R3HCC1L: variants seen among roughly 807,000 people sequenced by gnomAD.
The protein encoded by R3HCC1L is R3H domain and coiled-coil containing 1 like.
R3HCC1L carries 51 observed loss-of-function variants against 59.9 expected under a neutral mutation model. The ratio of observed to expected loss-of-function variants is 0.85; its 90% confidence interval spans 0.68 to 1.07. The LOEUF is 1.07. Ranked by LOEUF, R3HCC1L falls within the 50% of genes least tolerant of loss-of-function variation. The pLI is 0.00. For synonymous variants in R3HCC1L, 322 were observed against 315.2 expected (o/e 1.02, Z -0.23); for missense variants, 965 against 933.0 (o/e 1.03, Z -0.45).
intron 4 of R3HCC1L, among the ~76,000 whole-genome samples, chr10:98,183,599 G>A (rs1849886306): frequency 1.3e-5 from 2 of 152,020 alleles, no homozygotes; most frequent in African/African-American, 4.8e-5. Context: ...ATATGTTAGA[G>A]TATTTGATAT....
chr10:98,162,783 G>A (rs1847571096), intron 2 of R3HCC1L, 100 bp from the exon 3 acceptor site: 1 of 152,290 alleles, frequency 6.6e-6, no homozygotes. Flanking sequence ...CTGCAGCCTC[G>A]ACCTGCTGGG....
At chr10:98,139,046 G>A (rs533141338) in intron 1 of R3HCC1L, among the ~76,000 whole-genome samples, 18 of 152,060 alleles carry the variant, frequency 1.2e-4, no homozygotes, top group Admixed American at 7.2e-4. Flanking sequence ...TGATCAGTGT[G>A]TTTCTTAGCC....
intron 2 of R3HCC1L, among the ~76,000 whole-genome samples, chr10:98,159,456 T>TA (rs1847189042): frequency 6.6e-6 from 1 of 152,212 alleles, no homozygotes; most frequent in African/African-American, 2.4e-5. Context: ...GTATTTTGTG[T>TA]AAAAATACGT....
intron 9 of R3HCC1L, among the ~76,000 whole-genome samples, chr10:98,239,393 A>T (rs1857289066): frequency 6.6e-6 from 1 of 152,182 alleles, no homozygotes; most frequent in Non-Finnish European, 1.5e-5. Flanking sequence ...TGAAATCTAT[A>T]TATCATCCTG....
At chr10:98,223,249 T>C (rs953507830) in intron 5 of R3HCC1L, among the ~76,000 whole-genome samples, 1 of 152,172 alleles carries the variant, frequency 6.6e-6, no homozygotes, top group Admixed American at 6.5e-5. Context: ...AAGAGAATTT[T>C]AGACCAATAT....
At position 98,167,464 on chromosome 10, in the gene R3HCC1L, A is replaced by G. The variant is rs149075242; in HGVS notation, c.-15+4067A>G. 5.4e-3 allele frequency among the ~76,000 whole-genome samples: 822 copies of G among 152,320 alleles called. 11 individuals are homozygous for G. The highest frequency in any genetic ancestry group is 0.019 in the African/African-American group (779 of 41,574). On this transcript the variant is annotated intron_variant, in intron 4 of 9. Coordinates refer to ENST00000298999, the MANE Select transcript of R3HCC1L (RefSeq NM_001351015.2). ...GCTATTTCTCTAACAGACAGACTCTACCTCATTTATAAGTATTCATTTTTG... is the reference window on the plus strand; with the variant it reads ...GCTATTTCTCTAACAGACAGACTCTGCCTCATTTATAAGTATTCATTTTTG...
chr10:98,208,729 C>T lies in R3HCC1L; in HGVS notation c.615C>T (p.Gly205=), dbSNP rs772289188. ...GEAFEDKDLE[G]RIETDTKVLE... is the part of the protein sequence containing the mutation. ...CATTTGAAGACAAAGATTTGGAAGGCAGAATTGAAACTGATACCAAGGTTT... is the reference window on the plus strand; with the variant it reads ...CATTTGAAGACAAAGATTTGGAAGGTAGAATTGAAACTGATACCAAGGTTT... The change falls in exon 5 of 10, where the codon GGC becomes GGT. Residue 205 remains glycine (G), a synonymous_variant. Transcript: ENST00000298999. 3.1e-6 allele frequency: 5 copies of T among 1,613,932 alleles called. No individual in the cohort carries two copies. The highest frequency in any genetic ancestry group is 2.2e-5 in the East Asian group (1 of 44,870).
rs1231388778 is a variant in R3HCC1L at position 98,209,069 on chromosome 10, G to A, written c.955G>A (p.Glu319Lys). 5 of 1,613,806 alleles carry A rather than the reference G, an allele frequency of 3.1e-6. No individual in the cohort carries two copies. Among genetic ancestry groups the A allele is most frequent in the African/African-American group, 1.3e-5 (1 of 74,920 alleles). Residue 319 changes from glutamate (E) to lysine (K), a missense_variant, in exon 5 of 10, where the codon GAG becomes AAG. Coordinates refer to ENST00000298999, the MANE Select transcript of R3HCC1L (RefSeq NM_001351015.2). ...PATMGHISLSESTNDTVSPVM... is the reference protein window; with the variant it reads ...PATMGHISLSKSTNDTVSPVM... ...AACTATGGGTCACATCTCTCTGTCA[G>A]AGAGCACAAATGACACTGTTAGTCC...
intron 1 of R3HCC1L, among the ~76,000 whole-genome samples, chr10:98,151,008 A>T (rs1296414618): frequency 6.6e-6 from 1 of 152,078 alleles, no homozygotes; most frequent in Non-Finnish European, 1.5e-5. Flanking sequence ...GGTGCTGAGC[A>T]TGTTGGTGAA....
intron 5 of R3HCC1L, among the ~76,000 whole-genome samples, chr10:98,229,786 A>G (rs865890561): frequency 1.2e-3 from 190 of 152,328 alleles, no homozygotes; most frequent in Middle Eastern, 6.8e-3. Context: ...AGTTTTTAGC[A>G]TGAAGGGTTG....
At chr10:98,186,431 C>A in intron 4 of R3HCC1L, 1 of 764,738 alleles carries the variant, frequency 1.3e-6, no homozygotes, top group Non-Finnish European at 1.6e-6. Flanking sequence ...AGACATTTAA[C>A]TATATTTAAT....
At position 98,155,726 on chromosome 10, in the gene R3HCC1L, A is replaced by G. The variant is rs1358495302; in HGVS notation, c.-267-367A>G. Among the ~76,000 whole-genome samples, 3 of 151,840 alleles carry G rather than the reference A, an allele frequency of 2.0e-5. No homozygotes were observed. The East Asian group carries it at 5.8e-4, about 29-fold the overall frequency. On this transcript the variant is annotated intron_variant, in intron 1 of 9. Transcript: ENST00000298999. ...TAAAAGTAACTACTTTCAACTCCTTAAGCTATTTCTTCTGGCATCAACATA... is the reference window on the plus strand; with the variant it reads ...TAAAAGTAACTACTTTCAACTCCTTGAGCTATTTCTTCTGGCATCAACATA...
At chr10:98,182,209 C>CT (rs1173103375) in intron 4 of R3HCC1L, among the ~76,000 whole-genome samples, 1 of 152,128 alleles carries the variant, frequency 6.6e-6, no homozygotes, top group African/African-American at 2.4e-5. Flanking sequence ...TGTGGATTTC[C>CT]TTTTTGTTGA....
At chr10:98,168,825 T>C (rs1443602708) in intron 4 of R3HCC1L, among the ~76,000 whole-genome samples, 2 of 152,218 alleles carry the variant, frequency 1.3e-5, no homozygotes, top group East Asian at 1.9e-4. Flanking sequence ...GGGTGAGAAC[T>C]GTGTTACCAG....
chr10:98,161,454 C>A (rs1281473440), intron 2 of R3HCC1L, among the ~76,000 whole-genome samples: 2 of 151,848 alleles, frequency 1.3e-5, no homozygotes, highest in East Asian at 3.9e-4. Context: ...ATATTTTCTC[C>A]CAGTTTGTAG....
intron 2 of R3HCC1L, among the ~76,000 whole-genome samples, chr10:98,162,672 TTGTGTG>T (rs138697556): frequency 3.4e-5 from 5 of 148,030 alleles, no homozygotes; most frequent in South Asian, 2.2e-4. Context: ...GTGTGTGTGT[TTGTGTG>T]TGTGTGTGTG....
chr10:98,227,601 C>CT (rs1855826077), intron 5 of R3HCC1L, among the ~76,000 whole-genome samples: 1 of 141,466 alleles, frequency 7.1e-6, no homozygotes, highest in Non-Finnish European at 1.5e-5. Flanking sequence ...TTTAATTATA[C>CT]TTTAAGTTCT....
At chr10:98,140,591 CAG>C (rs1270789174) in intron 1 of R3HCC1L, among the ~76,000 whole-genome samples, 2 of 151,888 alleles carry the variant, frequency 1.3e-5, no homozygotes, top group South Asian at 4.2e-4. Flanking sequence ...GGGAGGGAGA[CAG>C]AAAGAGTGAA....
intron 2 of R3HCC1L, among the ~76,000 whole-genome samples, chr10:98,162,319 G>A (rs781246947): frequency 1.3e-5 from 2 of 152,132 alleles, no homozygotes; most frequent in East Asian, 3.8e-4. Flanking sequence ...TATCAAAGGA[G>A]AATTGCCTCA....
Sources: gnomAD v4.1 joint callset for allele counts (sites outside exome capture counted in the v4.1 genomes callset) on GRCh38, gnomAD v4.1.1 for gene constraint, MANE v1.5 for transcripts, NCBI Gene and HGNC (gene_info 2026-07-23, HGNC 2026-07-21) for gene names.